COX10: variants seen among roughly 807,000 people sequenced by gnomAD.
COX10 encodes the protein protoheme IX farnesyltransferase, mitochondrial.
Under a neutral mutation model 37.3 loss-of-function variants are expected in COX10, and 27 were observed. The ratio of observed to expected loss-of-function variants is 0.72; its 90% CI spans 0.53 to 1.00. The LOEUF is 1.00. COX10 is among the 50% of genes least tolerant of loss of function. COX10 has a pLI of 0.00. For synonymous variants in COX10, 222 were observed against 229.1 expected (o/e 0.97, Z 0.28); for missense variants, 475 against 563.2 (o/e 0.84, Z 1.59).
chr17:14,170,653 G>A (rs2530371), intron 5 of COX10, among the ~76,000 whole-genome samples: 87,923 of 151,802 alleles, frequency 0.58, 25,891 homozygotes, highest in Non-Finnish European at 0.62. Context: ...TGTCTTTACA[G>A]AAAAAAATTT....
intron 1 of COX10, among the ~76,000 whole-genome samples, chr17:14,072,480 C>A (rs9908656): frequency 0.099 from 15,085 of 152,090 alleles, 825 homozygotes; most frequent in Non-Finnish European, 0.12. Context: ...CTTGGCCTCC[C>A]AAGTAGCTGG....
chr17:14,182,988 C>T (rs887869930), intron 5 of COX10, among the ~76,000 whole-genome samples: 5 of 151,870 alleles, frequency 3.3e-5, no homozygotes, highest in Non-Finnish European at 7.4e-5. Flanking sequence ...ATTATACTTT[C>T]GTAGAGCTAT....
At chr17:14,134,379 G>A (rs1465653608) in intron 4 of COX10, among the ~76,000 whole-genome samples, 2 of 151,510 alleles carry the variant, frequency 1.3e-5, no homozygotes, top group African/African-American at 4.8e-5. Flanking sequence ...AAGAAATCCA[G>A]TAAACAACAT....
intron 3 of COX10, among the ~76,000 whole-genome samples, chr17:14,099,644 C>T (rs1286661439): frequency 1.3e-5 from 2 of 151,970 alleles, no homozygotes; most frequent in Admixed American, 6.6e-5. Context: ...TTTTCCTTCC[C>T]CCCATCTGTA....
At chr17:14,088,361 C>T (rs1471487167) in intron 3 of COX10, among the ~76,000 whole-genome samples, 1 of 151,994 alleles carries the variant, frequency 6.6e-6, no homozygotes, top group East Asian at 1.9e-4. Flanking sequence ...CTTCAATTTT[C>T]ATTTTTATTC....
At chr17:14,077,104 G>C in intron 3 of COX10, 48 bp downstream of exon 3, 1 of 1,580,272 alleles carries the variant, frequency 6.3e-7, no homozygotes, top group Non-Finnish European at 8.6e-7. Context: ...TCTATCTTTA[G>C]TGAAACAAAA....
chr17:14,120,444 A>G (rs910940433), intron 4 of COX10, among the ~76,000 whole-genome samples: 1 of 152,226 alleles, frequency 6.6e-6, no homozygotes, highest in African/African-American at 2.4e-5. Flanking sequence ...ATAAAGAAGA[A>G]AACCAAGGTA....
At chr17:14,199,083 A>C (rs185745700) in intron 6 of COX10, among the ~76,000 whole-genome samples, 185 of 152,034 alleles carry the variant, frequency 1.2e-3, no homozygotes, top group Middle Eastern at 3.4e-3. Context: ...AAAAAAAAAA[A>C]GAGCTACGAA....
chr17:14,070,006 C>G (rs1032113055), intron 1 of COX10, among the ~76,000 whole-genome samples: 1 of 152,230 alleles, frequency 6.6e-6, no homozygotes, highest in Non-Finnish European at 1.5e-5. Context: ...TAGCCACTGG[C>G]TTGCAATGAC....
At chr17:14,084,982 A>G (rs1329916438) in intron 3 of COX10, among the ~76,000 whole-genome samples, 1 of 152,112 alleles carries the variant, frequency 6.6e-6, no homozygotes, top group Non-Finnish European at 1.5e-5. Context: ...TTTTGCATAC[A>G]GTTTTTCAGC....
At chr17:14,195,585 T>C (rs1266814973) in intron 6 of COX10, among the ~76,000 whole-genome samples, 1 of 152,246 alleles carries the variant, frequency 6.6e-6, no homozygotes, top group Non-Finnish European at 1.5e-5. Context: ...GATGTCCTTA[T>C]GAATCTATAT....
intron 5 of COX10, among the ~76,000 whole-genome samples, chr17:14,162,290 C>CA (rs1266767470): frequency 5.3e-5 from 8 of 152,030 alleles, no homozygotes; most frequent in Admixed American, 3.9e-4. Context: ...AAAATACTGG[C>CA]AAAAAATACA....
At chr17:14,111,971 T>C (rs1342815451) in intron 4 of COX10, among the ~76,000 whole-genome samples, 2 of 152,156 alleles carry the variant, frequency 1.3e-5, no homozygotes, top group East Asian at 3.9e-4. Flanking sequence ...ATTTATAAAT[T>C]AGAATATCAA....
intron 5 of COX10, among the ~76,000 whole-genome samples, chr17:14,164,417 T>C (rs1905234000): frequency 6.6e-6 from 1 of 152,260 alleles, no homozygotes; most frequent in African/African-American, 2.4e-5. Context: ...TTATTGTCTA[T>C]TTTATTGTGT....
At chr17:14,206,661 C>G (rs780244362) in intron 6 of COX10, 149 bp from the exon 7 acceptor site, 10 of 997,174 alleles carry the variant, frequency 1.0e-5, no homozygotes, top group African/African-American at 1.6e-5. Flanking sequence ...CTCCCAGCCA[C>G]CCTGTGATGT....
chr17:14,163,385 G>T (rs993058946), intron 5 of COX10, among the ~76,000 whole-genome samples: 1 of 151,982 alleles, frequency 6.6e-6, no homozygotes. Flanking sequence ...CTCCCAAGTA[G>T]TTGGGACTAC....
chr17:14,105,255 A>G (rs2142202357), intron 4 of COX10, among the ~76,000 whole-genome samples: 1 of 152,280 alleles, frequency 6.6e-6, no homozygotes. Context: ...TAATGGTGAG[A>G]TGATATTCCA....
chr17:14,156,431 A>G (rs1905041535), intron 4 of COX10, among the ~76,000 whole-genome samples: 1 of 152,042 alleles, frequency 6.6e-6, no homozygotes. Flanking sequence ...GGGTTTCATC[A>G]TGTATCCAGG....
chr17:14,116,974 G>A (rs1184100150), intron 4 of COX10, among the ~76,000 whole-genome samples: 1 of 152,124 alleles, frequency 6.6e-6, no homozygotes, highest in Non-Finnish European at 1.5e-5. Flanking sequence ...TCACACACTG[G>A]TCAACACATT....
Sources: allele counts gnomAD v4.1 joint callset (sites outside exome capture counted in the v4.1 genomes callset), GRCh38; gene constraint gnomAD v4.1.1; transcripts MANE v1.5; gene names NCBI Gene and HGNC (gene_info 2026-07-23, HGNC 2026-07-21).